POU6F2: variants seen among roughly 807,000 people sequenced by gnomAD.
The protein encoded by POU6F2 is POU domain, class 6, transcription factor 2.
POU6F2 carries 31 observed loss-of-function variants against 71.3 expected under a neutral mutation model. The observed-to-expected ratio is 0.43, with a 90% CI of 0.33 to 0.59. The LOEUF (loss-of-function observed/expected upper bound fraction) is 0.59. POU6F2 is among the 20% of genes least tolerant of loss of function. The probability of loss-of-function intolerance (pLI) is 0.04; values close to 1 mark genes in which losing one functional copy is unlikely to be tolerated. For synonymous variants in POU6F2, 347 were observed against 355.7 expected (o/e 0.98, Z 0.27); for missense variants, 783 against 856.8 (o/e 0.91, Z 1.07).
At chr7:39,021,381 A>G (rs1270896038) in intron 1 of POU6F2, among the ~76,000 whole-genome samples, 1 of 151,782 alleles carries the variant, frequency 6.6e-6, no homozygotes, top group Non-Finnish European at 1.5e-5. Context: ...TTTTTTTCTA[A>G]TGGCAAGATC....
At chr7:39,041,718 TATAAG>T (rs770691944) in intron 1 of POU6F2, among the ~76,000 whole-genome samples, 3 of 151,916 alleles carry the variant, frequency 2.0e-5, no homozygotes, top group South Asian at 2.1e-4. Context: ...TCTTTTGTCT[TATAAG>T]AGATAAAATT....
chr7:39,105,506 C>T (rs1000883383), intron 2 of POU6F2, among the ~76,000 whole-genome samples: 7 of 151,276 alleles, frequency 4.6e-5, no homozygotes, highest in Non-Finnish European at 1.0e-4. Context: ...GAAGTTGATG[C>T]CACATTTCCC....
chr7:39,190,076 T>C (rs1562739557), intron 2 of POU6F2, among the ~76,000 whole-genome samples: 1 of 151,988 alleles, frequency 6.6e-6, no homozygotes, highest in Non-Finnish European at 1.5e-5. Context: ...TTGTGTTTTT[T>C]GTAGAGATGG....
intron 1 of POU6F2, among the ~76,000 whole-genome samples, chr7:38,990,449 G>A (rs566640996): frequency 6.6e-6 from 1 of 152,226 alleles, no homozygotes; most frequent in Non-Finnish European, 1.5e-5. Context: ...TTACATTTAT[G>A]TGTTATGAGT....
chr7:39,236,222 A>G (rs1794673386), intron 4 of POU6F2, among the ~76,000 whole-genome samples: 1 of 152,172 alleles, frequency 6.6e-6, no homozygotes, highest in African/African-American at 2.4e-5. Flanking sequence ...CATCACAGCT[A>G]AAGAAATTGA....
At chr7:39,007,682 C>A (rs1012231460) in intron 1 of POU6F2, among the ~76,000 whole-genome samples, 2 of 152,124 alleles carry the variant, frequency 1.3e-5, no homozygotes, top group Non-Finnish European at 2.9e-5. Context: ...CCCACTCCCC[C>A]AACCCCACCA....
intron 4 of POU6F2, among the ~76,000 whole-genome samples, chr7:39,230,320 A>G (rs1794551606): frequency 6.6e-6 from 1 of 151,982 alleles, no homozygotes; most frequent in Admixed American, 6.5e-5. Flanking sequence ...CTCTACCAAA[A>G]ATTAAAAAAA....
intron 4 of POU6F2, among the ~76,000 whole-genome samples, chr7:39,303,499 AAC>A (rs35653717): frequency 0.016 from 2,474 of 152,328 alleles, 41 homozygotes; most frequent in Middle Eastern, 0.051. Flanking sequence ...GATGTGTAGA[AAC>A]ACAACATTCT....
chr7:39,437,955 T>C (rs201725594), intron 7 of POU6F2, among the ~76,000 whole-genome samples: 3 of 149,500 alleles, frequency 2.0e-5, no homozygotes, highest in South Asian at 4.2e-4. Flanking sequence ...TTTTTTTTTT[T>C]ATTATTATAC....
At chr7:39,293,795 T>C (rs1562779727) in intron 4 of POU6F2, among the ~76,000 whole-genome samples, 1 of 152,214 alleles carries the variant, frequency 6.6e-6, no homozygotes, top group Non-Finnish European at 1.5e-5. Context: ...GTCCAACTCT[T>C]TCTCATCCCA....
At chr7:39,167,765 A>C (rs1403360184) in intron 2 of POU6F2, among the ~76,000 whole-genome samples, 1 of 151,804 alleles carries the variant, frequency 6.6e-6, no homozygotes, top group Admixed American at 6.6e-5. Context: ...ATATTTTATG[A>C]ATATTAATGC....
chr7:39,248,839 C>A lies in POU6F2; in HGVS notation c.598+41219C>A, dbSNP rs1325687285. Among the ~76,000 whole-genome samples, 4 of 152,244 alleles carry A rather than the reference C, an allele frequency of 2.6e-5. No homozygotes were observed. The East Asian group carries it at 7.7e-4, about 29-fold the overall frequency. On this transcript the variant is annotated intron_variant, in intron 4 of 9. Transcript: ENST00000518318. Reference sequence around the variant, plus strand: ...CAGGTTAGCCCAGTTAGTCCCTATCCCCACTGAGCCGACTTTGCCCATCTT... The same window carrying A: ...CAGGTTAGCCCAGTTAGTCCCTATCACCACTGAGCCGACTTTGCCCATCTT...
chr7:39,155,002 T>C (rs1792840338), intron 2 of POU6F2, among the ~76,000 whole-genome samples: 2 of 152,076 alleles, frequency 1.3e-5, no homozygotes. Context: ...ACCTGTGGAA[T>C]AAAATGATCC....
intron 2 of POU6F2, among the ~76,000 whole-genome samples, chr7:39,117,008 G>A (rs1791944272): frequency 6.6e-6 from 1 of 152,056 alleles, no homozygotes; most frequent in East Asian, 1.9e-4. Context: ...TGTTTGTATG[G>A]TGAGTCTGAG....
At chr7:39,165,966 C>T (rs1412028205) in intron 2 of POU6F2, among the ~76,000 whole-genome samples, 3 of 152,182 alleles carry the variant, frequency 2.0e-5, no homozygotes, top group Admixed American at 6.5e-5. Context: ...CCACATCCTT[C>T]GGAGAACCTT....
chr7:39,145,549 G>T (rs1242520874), intron 2 of POU6F2, among the ~76,000 whole-genome samples: 1 of 152,178 alleles, frequency 6.6e-6, no homozygotes, highest in Non-Finnish European at 1.5e-5. Context: ...AGGTCCTAAT[G>T]TAACTGGAAT....
chr7:39,133,167 T>C (rs1792324181), intron 2 of POU6F2, among the ~76,000 whole-genome samples: 1 of 152,246 alleles, frequency 6.6e-6, no homozygotes, highest in Non-Finnish European at 1.5e-5. Flanking sequence ...TATTGCAAAC[T>C]ACCTGGGCCA....
At chr7:39,262,527 A>T (rs1784156153) in intron 4 of POU6F2, among the ~76,000 whole-genome samples, 1 of 152,230 alleles carries the variant, frequency 6.6e-6, no homozygotes, top group Non-Finnish European at 1.5e-5. Context: ...CTGCTATACA[A>T]CTGTGTAGAG....
At chr7:39,334,122 C>G (rs998428838) in intron 4 of POU6F2, among the ~76,000 whole-genome samples, 8 of 152,178 alleles carry the variant, frequency 5.3e-5, no homozygotes, top group Non-Finnish European at 8.8e-5. Flanking sequence ...TCAAGAGACA[C>G]TTAGATCTCT....
Sources: gnomAD v4.1 joint callset for allele counts (sites outside exome capture counted in the v4.1 genomes callset) on GRCh38, gnomAD v4.1.1 for gene constraint, MANE v1.5 for transcripts, NCBI Gene and HGNC (gene_info 2026-07-23, HGNC 2026-07-21) for gene names.